The following FARP2 variants were observed in gnomAD, a reference collection of about 807,000 sequenced individuals.
FARP2 encodes the protein FERM, ARH/RhoGEF and pleckstrin domain protein 2, also known as FERM, ARHGEF and pleckstrin domain-containing protein 2.
In FARP2, 111 loss-of-function variants were observed where a neutral mutation model predicts 130.5. That is an observed-to-expected ratio of 0.85 (90% CI 0.73 to 1.00). The LOEUF is 1.00. FARP2 is among the 50% of genes least tolerant of loss of function. The pLI is 0.00. For synonymous variants in FARP2, 504 were observed against 516.9 expected (o/e 0.98, Z 0.34); for missense variants, 1,385 against 1,346.3 (o/e 1.03, Z -0.45).
At chr2:241,405,981 C>G (rs925265126) in intron 4 of FARP2, among the ~76,000 whole-genome samples, 1 of 151,634 alleles carries the variant, frequency 6.6e-6, no homozygotes, top group Admixed American at 6.6e-5. Flanking sequence ...TTAAAAAAAA[C>G]TTTTTCATTT....
In FARP2 at chr2:241,356,308, G is replaced by GA. The variant is rs2061060611; in HGVS notation, c.-105_-104insA. On this transcript the variant is annotated 5_prime_UTR_variant, in exon 1 of 27. Transcript: ENST00000264042. The stretch of plus-strand genomic sequence containing the variant: ...GCAGTTGGGAGCAGGCGACGCCGAC[G>GA]CGAGTCTGGCGGCTGCTGCTTGCGA... 1.3e-5 allele frequency: 2 copies of GA among 152,410 alleles called. No homozygotes were observed. Among genetic ancestry groups the GA allele is most frequent in the African/African-American group, 4.8e-5 (2 of 41,426 alleles). 9.4% of individuals were successfully genotyped at this position (152,410 alleles called of 1,614,324 possible). A position where few individuals can be genotyped will look rare whatever the true frequency, so the allele number is the denominator to read the frequency against.
intron 2 of FARP2, among the ~76,000 whole-genome samples, chr2:241,402,781 C>G (rs577485743): frequency 1.0e-4 from 14 of 138,776 alleles, no homozygotes; most frequent in Non-Finnish European, 1.5e-4. Context: ...ATCCTCCCAC[C>G]TCAGCCTCCT....
chr2:241,373,292 T>A lies in FARP2; in HGVS notation c.183+2T>A. 1 of 1,408,602 alleles carries A rather than the reference T, an allele frequency of 7.1e-7. No homozygotes were observed. Among genetic ancestry groups the A allele is most frequent in the Non-Finnish European group, 9.4e-7 (1 of 1,066,918 alleles). 87.3% of individuals were successfully genotyped at this position (1,408,602 alleles called of 1,614,324 possible). A position where few individuals can be genotyped will look rare whatever the true frequency, so the allele number is the denominator to read the frequency against. Reference sequence around the variant, plus strand: ...ACCATGGAAATATTTGACATTGAGGTAAGAAGCATGATTTTTGGAGGCATA... The same window carrying A: ...ACCATGGAAATATTTGACATTGAGGAAAGAAGCATGATTTTTGGAGGCATA... On this transcript the variant is annotated splice_donor_variant, in intron 2 of 26. Coordinates refer to ENST00000264042, the MANE Select transcript of FARP2 (RefSeq NM_014808.4). LOFTEE classifies it high-confidence loss of function.
At chr2:241,484,868 A>G (rs2064712878) in intron 21 of FARP2, among the ~76,000 whole-genome samples, 1 of 152,150 alleles carries the variant, frequency 6.6e-6, no homozygotes, top group Admixed American at 6.5e-5. Context: ...GGCTATGTCC[A>G]CTTGCCCTGA....
intron 11 of FARP2, among the ~76,000 whole-genome samples, chr2:241,435,908 A>ATTTTTTTTT (rs34703186): frequency 2.0e-5 from 2 of 101,000 alleles, no homozygotes; most frequent in African/African-American, 3.8e-5. Context: ...AGTATAGTAA[A>ATTTTTTTTT]TTTTTTTTTT....
At chr2:241,423,718 G>A (rs1167034073) in intron 8 of FARP2, among the ~76,000 whole-genome samples, 2 of 152,102 alleles carry the variant, frequency 1.3e-5, no homozygotes, top group East Asian at 1.9e-4. Context: ...CAAGAGACCT[G>A]TCTCACGTGC....
At chr2:241,367,752 G>A (rs1351835176) in intron 1 of FARP2, among the ~76,000 whole-genome samples, 1 of 152,082 alleles carries the variant, frequency 6.6e-6, no homozygotes, top group East Asian at 1.9e-4. Flanking sequence ...GTGGATGGTG[G>A]ACTATGCTTT....
At position 241,416,013 on chromosome 2, in the gene FARP2, G is replaced by C. The variant is rs1029813680; in HGVS notation, c.624-1949G>C. On this transcript the variant is annotated intron_variant, in intron 7 of 26. Coordinates refer to ENST00000264042, the MANE Select transcript of FARP2 (RefSeq NM_014808.4). ...TCTGTGTGTGTGTGTGTGTGTGTGT[G>C]TGTGTGTGTGTGTGTGTGTGTCTGG... Among the ~76,000 whole-genome samples, 168 of 151,538 alleles carry C rather than the reference G, an allele frequency of 1.1e-3. 1 individual carries two copies. The East Asian group carries it at 0.03, about 27-fold the overall frequency.
intron 2 of FARP2, among the ~76,000 whole-genome samples, chr2:241,402,880 A>ATATATGTATATATAT (rs2062229066): frequency 1.0e-4 from 1 of 9,738 alleles, no homozygotes; most frequent in Non-Finnish European, 1.6e-4. Context: ...ATATATATAT[A>ATATATGTATATATAT]TTTTTTTTTT....
chr2:241,456,985 C>G, intron 14 of FARP2, 63 bp downstream of exon 14: 1 of 1,432,874 alleles, frequency 7.0e-7, no homozygotes, highest in South Asian at 1.4e-5. Context: ...TTCACTGTTC[C>G]TTCGGGTGGT....
rs759832893 is a variant in FARP2 at position 241,484,351 on chromosome 2, G to T, written c.2421+20G>T. On this transcript the variant is annotated intron_variant, in intron 21 of 26. Coordinates refer to ENST00000264042, the MANE Select transcript of FARP2 (RefSeq NM_014808.4). Reference sequence around the variant, plus strand: ...ATGCTGGTGAGTGGTCTTGCACCCTGCCTGGGATTTCCACGTGGTGCTGGG... The same window carrying T: ...ATGCTGGTGAGTGGTCTTGCACCCTTCCTGGGATTTCCACGTGGTGCTGGG... The T allele has an allele frequency of 6.2e-7, 1 of 1,606,744 alleles. No homozygotes were observed. Among genetic ancestry groups the T allele is most frequent in the Non-Finnish European group, 8.5e-7 (1 of 1,173,444 alleles).
chr2:241,431,148 A>G lies in FARP2; in HGVS notation c.772-531A>G, dbSNP rs76084677. 3.5e-4 allele frequency among the ~76,000 whole-genome samples: 53 copies of G among 152,256 alleles called. No homozygotes were observed. The East Asian group carries it at 8.1e-3, about 23-fold the overall frequency. On this transcript the variant is annotated intron_variant, in intron 8 of 26. Coordinates refer to ENST00000264042, the MANE Select transcript of FARP2 (RefSeq NM_014808.4). ...ATGATGTAAGCCCTCTTTCTCATGC[A>G]CTGTGTCTGATGATAATATTGCTCC...
chr2:241,486,696 T>G (rs1214799468), intron 21 of FARP2, among the ~76,000 whole-genome samples: 1 of 152,118 alleles, frequency 6.6e-6, no homozygotes, highest in Non-Finnish European at 1.5e-5. Flanking sequence ...ACTGTAACAT[T>G]GTTGGATCTC....
At chr2:241,449,434 C>T (rs1168874042) in intron 13 of FARP2, among the ~76,000 whole-genome samples, 2 of 152,142 alleles carry the variant, frequency 1.3e-5, no homozygotes. Flanking sequence ...CTGATTCTTC[C>T]TCCACTAATA....
At chr2:241,397,642 A>C (rs1034227817) in intron 2 of FARP2, among the ~76,000 whole-genome samples, 4 of 151,894 alleles carry the variant, frequency 2.6e-5, no homozygotes, top group African/African-American at 4.8e-5. Flanking sequence ...AGACATTTAG[A>C]CGAAAGGCTA....
intron 2 of FARP2, among the ~76,000 whole-genome samples, chr2:241,379,608 A>G (rs2061616031): frequency 6.6e-6 from 1 of 152,252 alleles, no homozygotes. Context: ...TATTCCAGTA[A>G]AAACTTAATG....
At chr2:241,396,898 G>A (rs1197071547) in intron 2 of FARP2, among the ~76,000 whole-genome samples, 2 of 152,136 alleles carry the variant, frequency 1.3e-5, no homozygotes, top group East Asian at 1.9e-4. Flanking sequence ...TGTTTCTTGC[G>A]GCACTATTCA....
At chr2:241,429,135 C>T (rs78682564) in intron 8 of FARP2, among the ~76,000 whole-genome samples, 4 of 152,318 alleles carry the variant, frequency 2.6e-5, no homozygotes, top group African/African-American at 4.8e-5. Flanking sequence ...GTGTCTCAGA[C>T]GTTTTTAAAA....
intron 2 of FARP2, among the ~76,000 whole-genome samples, chr2:241,380,599 C>T (rs2061638450): frequency 6.6e-6 from 1 of 151,766 alleles, no homozygotes; most frequent in Non-Finnish European, 1.5e-5. Flanking sequence ...CTGAATTGTT[C>T]CATGAGCATT....
Sources: allele counts gnomAD v4.1 joint callset (sites outside exome capture counted in the v4.1 genomes callset), GRCh38; gene constraint gnomAD v4.1.1; transcripts MANE v1.5; gene names NCBI Gene and HGNC (gene_info 2026-07-23, HGNC 2026-07-21).